The following VDAC1 variants were observed in gnomAD, a reference collection of about 807,000 sequenced individuals.
The protein encoded by VDAC1 is voltage dependent anion channel 1, also known as non-selective voltage-gated ion channel VDAC1.
In VDAC1, 10 loss-of-function variants were observed where a neutral mutation model predicts 34.7. That is an observed-to-expected ratio of 0.29 (90% CI 0.18 to 0.49). VDAC1 has a LOEUF of 0.49. Among genes scored for constraint, VDAC1 ranks in the 20% least tolerant of loss-of-function variants. VDAC1 has a pLI of 0.99. For synonymous variants in VDAC1, 130 were observed against 136.0 expected (o/e 0.96, Z 0.30); for missense variants, 230 against 347.9 (o/e 0.66, Z 2.69).
At chr5:134,056,210 C>T in the VDAC1 span, among the ~76,000 whole-genome samples, 8 of 144,136 alleles carry the variant, frequency 5.6e-5, no homozygotes, top group Admixed American at 5.0e-4. Context: ...CATTGCACTC[C>T]AGCCTAGGCG....
chr5:134,040,744 A>G, the VDAC1 span, among the ~76,000 whole-genome samples: 1 of 152,260 alleles, frequency 6.6e-6, no homozygotes, highest in Non-Finnish European at 1.5e-5. Context: ...AAATTAAAAA[A>G]TAAAAAGAGC....
At chr5:134,007,727 T>C (rs1753779568), upstream of VDAC1, among the ~76,000 whole-genome samples, 1 of 152,200 alleles carries the variant, frequency 6.6e-6, no homozygotes, top group South Asian at 2.1e-4. Flanking sequence ...CTGGCATCCC[T>C]GTCGGTGTTG....
rs1580711965 is a variant in VDAC1, at chr5:133,981,060, G to C, written c.324-104C>G. The C allele has an allele frequency of 9.3e-6, 9 of 969,750 alleles. No individual in the cohort carries two copies. The South Asian group carries it at 1.5e-4, about 16-fold the overall frequency. The allele number at this position is 969,750 out of a possible 1,614,324, so 60.1% of individuals were successfully genotyped here. On this transcript the variant is annotated intron_variant, in intron 5 of 8. Transcript: ENST00000265333. The stretch of plus-strand genomic sequence containing the variant: ...CCAGGTCAAATAAAGGGAGTGGGGT[G>C]GGGGTGAAGTCAGGGCTCCAGTTCT...
the VDAC1 span, among the ~76,000 whole-genome samples, chr5:134,044,320 GGTGTCT>G: frequency 6.6e-6 from 1 of 152,174 alleles, no homozygotes; most frequent in Non-Finnish European, 1.5e-5. Context: ...ATCATATGCA[GGTGTCT>G]GCACAACGGC....
At chr5:134,001,281 T>C (rs901106074) in intron 1 of VDAC1, among the ~76,000 whole-genome samples, 4 of 152,156 alleles carry the variant, frequency 2.6e-5, no homozygotes, top group Middle Eastern at 6.3e-3. Context: ...TCTGCTGACC[T>C]GTGAAATGGA....
chr5:134,097,327 A>G, the VDAC1 span, among the ~76,000 whole-genome samples: 4 of 152,260 alleles, frequency 2.6e-5, no homozygotes, highest in Non-Finnish European at 5.9e-5. Context: ...AGGACTCAGA[A>G]TGGAAAACAT....
chr5:134,096,348 C>T, the VDAC1 span, among the ~76,000 whole-genome samples: 75 of 152,358 alleles, frequency 4.9e-4, no homozygotes, highest in African/African-American at 1.7e-3. Context: ...GGTGACAAGG[C>T]ATCTAAAAGA....
chr5:134,018,292 G>A, the VDAC1 span, among the ~76,000 whole-genome samples: 2 of 152,188 alleles, frequency 1.3e-5, no homozygotes, highest in Admixed American at 1.3e-4. Context: ...CAAACAACCA[G>A]CTCTAGCATG....
chr5:134,099,710 AGC>A, the VDAC1 span, among the ~76,000 whole-genome samples: 2 of 152,222 alleles, frequency 1.3e-5, no homozygotes, highest in Non-Finnish European at 2.9e-5. Context: ...CCTCCCAAGT[AGC>A]TGGACTACAG....
upstream of VDAC1, among the ~76,000 whole-genome samples, chr5:134,007,542 C>T (rs1008158247): frequency 1.9e-4 from 29 of 152,154 alleles, no homozygotes; most frequent in African/African-American, 6.8e-4. Context: ...AGAGGGGAAA[C>T]CCCCTGAGCC....
At chr5:134,056,169 A>G in the VDAC1 span, among the ~76,000 whole-genome samples, 1 of 147,804 alleles carries the variant, frequency 6.8e-6, no homozygotes, top group South Asian at 2.2e-4. Context: ...TGAACCGGGG[A>G]GGCAGAGGTT....
the VDAC1 span, among the ~76,000 whole-genome samples, chr5:134,035,029 G>A: frequency 0.012 from 1,889 of 152,028 alleles, 41 homozygotes; most frequent in African/African-American, 0.042. Context: ...CCACCGAGAG[G>A]GCCTAGGAGC....
At chr5:134,055,502 C>A in the VDAC1 span, among the ~76,000 whole-genome samples, 1 of 151,674 alleles carries the variant, frequency 6.6e-6, no homozygotes, top group Admixed American at 6.6e-5. Context: ...TCACTGCAAG[C>A]TCCGCCACCC....
chr5:134,010,470 C>T, the VDAC1 span, among the ~76,000 whole-genome samples: 1 of 151,992 alleles, frequency 6.6e-6, no homozygotes, highest in African/African-American at 2.4e-5. Context: ...TAGTGGTAGG[C>T]GCCTGTAATC....
chr5:134,042,336 C>A, the VDAC1 span, among the ~76,000 whole-genome samples: 6 of 152,202 alleles, frequency 3.9e-5, no homozygotes, highest in Non-Finnish European at 8.8e-5. Flanking sequence ...GTGGGGACAC[C>A]CTGGACCTCA....
the VDAC1 span, among the ~76,000 whole-genome samples, chr5:134,108,561 G>A: frequency 2.8e-4 from 43 of 152,286 alleles, no homozygotes; most frequent in African/African-American, 1.0e-3. Flanking sequence ...ATAAGAGGGT[G>A]AGCTTTCCTC....
the VDAC1 span, among the ~76,000 whole-genome samples, chr5:134,055,607 T>G: frequency 2.1e-5 from 3 of 142,476 alleles, no homozygotes; most frequent in African/African-American, 7.8e-5. Context: ...TTTTTTTTTT[T>G]TTTTTTTTTT....
chr5:134,087,727 G>A, the VDAC1 span, among the ~76,000 whole-genome samples: 41 of 151,836 alleles, frequency 2.7e-4, no homozygotes, highest in African/African-American at 9.2e-4. Flanking sequence ...GTGGTGGCAC[G>A]TGCCTGTAAT....
the VDAC1 span, among the ~76,000 whole-genome samples, chr5:134,084,682 C>T: frequency 6.6e-6 from 1 of 152,268 alleles, no homozygotes; most frequent in Non-Finnish European, 1.5e-5. Context: ...ACATGGCAGG[C>T]CTGCCTGCCT....
Sources: gnomAD v4.1 joint callset for allele counts (sites outside exome capture counted in the v4.1 genomes callset) on GRCh38, gnomAD v4.1.1 for gene constraint, MANE v1.5 for transcripts, NCBI Gene and HGNC (gene_info 2026-07-23, HGNC 2026-07-21) for gene names.